The following H2BC5 variants were observed in gnomAD, a reference collection of about 807,000 sequenced individuals.
H2BC5 encodes histone H2B type 1-D.
H2BC5 carries 9 observed loss-of-function variants against 5.7 expected under a neutral mutation model. The ratio of observed to expected loss-of-function variants is 1.57; its 90% confidence interval spans 0.95 to 2.74. The LOEUF (loss-of-function observed/expected upper bound fraction) is 2.74, where lower values mean the gene tolerates loss of function less well. H2BC5 is among the 30% of genes most tolerant of loss of function. H2BC5 has a pLI of 0.00. For synonymous variants in H2BC5, 133 were observed against 70.9 expected, an observed-to-expected ratio of 1.88 and a Z score of -4.40; for missense variants, 175 against 168.8, an observed-to-expected ratio of 1.04 and a Z score of -0.20.
intron 1 of H2BC5, among the ~76,000 whole-genome samples, chr6:26,169,686 G>A (rs998387716): frequency 2.6e-5 from 4 of 152,006 alleles, no homozygotes; most frequent in African/African-American, 9.7e-5. Flanking sequence ...ACTAAAAAAG[G>A]GAGGGGCCAG....
At chr6:26,166,531 G>T (rs938117409) in intron 1 of H2BC5, among the ~76,000 whole-genome samples, 1 of 152,038 alleles carries the variant, frequency 6.6e-6, no homozygotes, top group Non-Finnish European at 1.5e-5. Flanking sequence ...CTTGGGATGT[G>T]GGGGAAGGCT....
chr6:26,159,735 C>T (rs893636709), downstream of H2BC5, among the ~76,000 whole-genome samples: 3 of 152,112 alleles, frequency 2.0e-5, no homozygotes, highest in African/African-American at 7.2e-5. Context: ...GAAGTTTGTC[C>T]TCATGCCCTC....
At chr6:26,159,693 G>T (rs1764321589), downstream of H2BC5, among the ~76,000 whole-genome samples, 1 of 152,086 alleles carries the variant, frequency 6.6e-6, no homozygotes, top group South Asian at 2.1e-4. Context: ...GTGATGGATG[G>T]ATGATCATTG....
chr6:26,159,503 C>G (rs988095622), downstream of H2BC5, among the ~76,000 whole-genome samples: 30 of 151,932 alleles, frequency 2.0e-4, no homozygotes, highest in African/African-American at 7.3e-4. Context: ...AGGATGATGA[C>G]AAAAGGTTTT....
downstream of H2BC5, among the ~76,000 whole-genome samples, chr6:26,162,932 C>T (rs1472350282): frequency 1.3e-5 from 2 of 151,938 alleles, no homozygotes; most frequent in African/African-American, 4.8e-5. Context: ...AAATCATATG[C>T]TTTTTCTTTT....
Position 26,158,197 on chromosome 6 carries a change from G to T in H2BC5, c.28G>T (p.Ala10Ser), listed in dbSNP as rs774791275. The change falls in exon 1 of 1, where the codon GCC becomes TCC. Residue 10 changes from alanine (A) to serine (S), a missense_variant. Ala to Ser is a moderately conservative substitution (Grantham distance 99, BLOSUM62 1). Around this residue, in one of 4 missense-constraint regions of H2BC5, gnomAD observed 119 missense variants for 85.6 expected, o/e 1.39. Coordinates refer to ENST00000377777, the MANE Select transcript of H2BC5 (RefSeq NM_021063.4). Reference sequence around the variant, plus strand: ...GCCTGAACCTACCAAGTCTGCTCCTGCCCCAAAGAAGGGCTCCAAGAAGGC... The same window carrying T: ...GCCTGAACCTACCAAGTCTGCTCCTTCCCCAAAGAAGGGCTCCAAGAAGGC... MPEPTKSAP[A>S]PKKGSKKAVT... 5.0e-6 allele frequency: 8 copies of T among 1,614,122 alleles called. No individual in the cohort carries two copies. Among genetic ancestry groups the T allele is most frequent in the East Asian group, 2.2e-5 (1 of 44,882 alleles).
In H2BC5 at chr6:26,158,391, C is replaced by T. The variant is rs1358692800; in HGVS notation, c.222C>T (p.Ile74=). Residue 74 remains isoleucine (I), a synonymous_variant, in exon 1 of 1, where the codon ATC becomes ATT. Transcript: ENST00000377777. ...TCGTCAACGACATCTTCGAGCGCAT[C>T]GCAGGCGAGGCTTCCCGCCTGGCGC... ...NSFVNDIFER[I]AGEASRLAHY... 3 of 1,614,270 alleles carry T rather than the reference C, an allele frequency of 1.9e-6. No individual in the cohort carries two copies. Among genetic ancestry groups the T allele is most frequent in the East Asian group, 4.5e-5 (2 of 44,888 alleles).
At chr6:26,164,315 GAC>G (rs1254944648) in intron 1 of H2BC5, 1 of 239,970 alleles carries the variant, frequency 4.2e-6, no homozygotes, top group Non-Finnish European at 9.2e-6. Flanking sequence ...CCAGCACTCA[GAC>G]ACACAGATTT....
chr6:26,158,517 C>A lies in H2BC5; in HGVS notation c.348C>A (p.Thr116=). ...ELAKHAVSEG[T]KAVTKYTSSK ...CCAAGCACGCCGTGTCGGAGGGCACCAAGGCCGTCACCAAGTACACCAGTT... is the reference window on the plus strand; with the variant it reads ...CCAAGCACGCCGTGTCGGAGGGCACAAAGGCCGTCACCAAGTACACCAGTT... Residue 116 remains threonine (T), a synonymous_variant, in exon 1 of 1, where the codon ACC becomes ACA. Coordinates refer to ENST00000377777, the MANE Select transcript of H2BC5 (RefSeq NM_021063.4). 6.2e-7 allele frequency: 1 copy of A among 1,614,258 alleles called. No individual in the cohort carries two copies. Among genetic ancestry groups the A allele is most frequent in the Non-Finnish European group, 8.5e-7 (1 of 1,180,052 alleles).
rs1001430999 is a variant in H2BC5 at position 26,170,974 on chromosome 6, G to C, written c.*10-1G>C. ...TAAACCCTTCTTATTTCTTCAATCAGGGGAGAGACATGAAGACAGAGGAGA... is the reference window on the plus strand; with the variant it reads ...TAAACCCTTCTTATTTCTTCAATCACGGGAGAGACATGAAGACAGAGGAGA... On this transcript the variant is annotated splice_acceptor_variant, in intron 1 of 1. Transcript: ENST00000289316. LOFTEE classifies it low-confidence loss of function (3UTR_SPLICE). The C allele has an allele frequency of 1.3e-5, 2 of 152,116 alleles. No individual in the cohort carries two copies. The highest frequency in any genetic ancestry group is 4.1e-4 in the South Asian group (2 of 4,830). The allele number at this position is 152,116 out of a possible 1,614,324, so 9.4% of individuals were successfully genotyped here. A position where few individuals can be genotyped will look rare whatever the true frequency, so the allele number is the denominator to read the frequency against.
chr6:26,163,513 A>G (rs1275563084), downstream of H2BC5: 1 of 152,130 alleles, frequency 6.6e-6, no homozygotes, highest in Admixed American at 6.5e-5. Flanking sequence ...ATAGGCTGCA[A>G]TCATCCGAAT....
chr6:26,158,972 AC>A (rs1190569576), downstream of H2BC5, among the ~76,000 whole-genome samples: 3 of 151,772 alleles, frequency 2.0e-5, no homozygotes, highest in Non-Finnish European at 4.4e-5. Flanking sequence ...CTCCACCACC[AC>A]CCCCGCCCAT....
At chr6:26,162,710 T>A (rs1764370301), downstream of H2BC5, among the ~76,000 whole-genome samples, 1 of 152,122 alleles carries the variant, frequency 6.6e-6, no homozygotes, top group Admixed American at 6.5e-5. Context: ...CTAATTTTTT[T>A]GTATTTTTAG....
At chr6:26,165,834 G>C (rs1764413719) in intron 1 of H2BC5, among the ~76,000 whole-genome samples, 1 of 152,202 alleles carries the variant, frequency 6.6e-6, no homozygotes, top group South Asian at 2.1e-4. Flanking sequence ...AGGAGGTGGG[G>C]GCCAGGAGGG....
At chr6:26,159,243 GTTTTTTTTTTTT>G (rs35999697), downstream of H2BC5, among the ~76,000 whole-genome samples, 10 of 61,446 alleles carry the variant, frequency 1.6e-4, no homozygotes, top group African/African-American at 2.2e-4. Context: ...TAATTTATAG[GTTTTTTTTTTTT>G]TTTTTTTTTT....
chr6:26,164,765 G>C (rs1389374356), intron 1 of H2BC5, among the ~76,000 whole-genome samples: 1 of 151,840 alleles, frequency 6.6e-6, no homozygotes, highest in African/African-American at 2.4e-5. Flanking sequence ...AGGCCCCATT[G>C]CCCAGCACCA....
chr6:26,163,370 T>C (rs1764377835), downstream of H2BC5: 1 of 152,228 alleles, frequency 6.6e-6, no homozygotes, highest in Admixed American at 6.5e-5. Flanking sequence ...GGGCTCCCCA[T>C]GTCTATTATG....
At chr6:26,160,041 C>G (rs1229774120), downstream of H2BC5, among the ~76,000 whole-genome samples, 1 of 152,082 alleles carries the variant, frequency 6.6e-6, no homozygotes, top group Admixed American at 6.6e-5. Context: ...GAAGGATGAA[C>G]CACACATACA....
At position 26,158,187 on chromosome 6, in the gene H2BC5, G is replaced by C; in HGVS notation, c.18G>C (p.Lys6Asn). MPEPTKSAPAPKKGSK... is the reference protein window; with the variant it reads MPEPTNSAPAPKKGSK... Reference sequence around the variant, plus strand: ...ACGCTACGATGCCTGAACCTACCAAGTCTGCTCCTGCCCCAAAGAAGGGCT... The same window carrying C: ...ACGCTACGATGCCTGAACCTACCAACTCTGCTCCTGCCCCAAAGAAGGGCT... The change falls in exon 1 of 1, where the codon AAG becomes AAC. Residue 6 changes from lysine to asparagine, a missense_variant. Lys to Asn is a moderately conservative substitution (Grantham distance 94). This residue lies in a region of H2BC5 where 119 missense variants were observed against 85.6 expected (regional missense o/e 1.39). Coordinates refer to ENST00000377777, the MANE Select transcript of H2BC5 (RefSeq NM_021063.4). 1.2e-6 allele frequency: 2 copies of C among 1,614,068 alleles called. No homozygotes were observed. Among genetic ancestry groups the C allele is most frequent in the Non-Finnish European group, 1.7e-6 (2 of 1,179,988 alleles).
Sources: gnomAD v4.1 joint callset for allele counts (sites outside exome capture counted in the v4.1 genomes callset) on GRCh38, gnomAD v4.1.1 for gene constraint, gnomAD v4.1.1 regional missense constraint, MANE v1.5 for transcripts, NCBI Gene and HGNC (gene_info 2026-07-23, HGNC 2026-07-21) for gene names.